Variants in HAS2 observed in about 807,000 individuals in gnomAD.
HAS2 encodes the protein hyaluronan synthase 2, also known as HA synthase 2.
A neutral mutation model predicts 51.6 loss-of-function variants in HAS2; 16 were observed. The ratio of observed to expected loss-of-function variants is 0.31; its 90% CI spans 0.21 to 0.47. The LOEUF is 0.47. HAS2 is among the 20% of genes least tolerant of loss of function. The probability of loss-of-function intolerance (pLI) is 1.00; values close to 1 mark genes in which losing one functional copy is unlikely to be tolerated. For synonymous variants in HAS2, 228 were observed against 235.5 expected, an observed-to-expected ratio of 0.97 and a Z score of 0.29; for missense variants, 361 against 662.6, an observed-to-expected ratio of 0.54 and a Z score of 5.00.
chr8:121,636,596 A>G (rs1813013171), intron 1 of HAS2, among the ~76,000 whole-genome samples: 1 of 152,074 alleles, frequency 6.6e-6, no homozygotes, highest in African/African-American at 2.4e-5. Flanking sequence ...TGCACCATCT[A>G]TATTAATAAA....
chr8:121,616,693 C>T (rs574801611), intron 3 of HAS2, among the ~76,000 whole-genome samples: 76 of 152,210 alleles, frequency 5.0e-4, no homozygotes, highest in Middle Eastern at 3.4e-3. Flanking sequence ...GCCTCGGCCT[C>T]CCAAAGTGCT....
At chr8:121,623,983 TG>T (rs1427265595) in intron 2 of HAS2, among the ~76,000 whole-genome samples, 10 of 152,260 alleles carry the variant, frequency 6.6e-5, no homozygotes, top group Admixed American at 6.5e-4. Flanking sequence ...TGGAAAATAC[TG>T]AAAATGTGCT....
intron 1 of HAS2, among the ~76,000 whole-genome samples, chr8:121,630,471 G>A (rs568082222): frequency 6.6e-6 from 1 of 152,112 alleles, no homozygotes; most frequent in African/African-American, 2.4e-5. Context: ...TTAAAGTGGT[G>A]GTTGGCAACC....
rs1158171072 is a variant in HAS2, at chr8:121,614,540, A to G, written c.1228T>C (p.Leu410=). 6.2e-7 allele frequency: 1 copy of G among 1,614,208 alleles called. No individual in the cohort carries two copies. The highest frequency in any genetic ancestry group is 8.5e-7 in the Non-Finnish European group (1 of 1,180,018). ...RGKIWNILLF[L]LTVQLVGLIK... ...AGACCTACTAGCTGGACAGTTAACAAGAAGAGGAGAATGTTCCAAATTTTA... is the reference window on the plus strand; with the variant it reads ...AGACCTACTAGCTGGACAGTTAACAGGAAGAGGAGAATGTTCCAAATTTTA... Residue 410 remains leucine, a synonymous_variant, in exon 4 of 4, where the codon TTG becomes CTG. Transcript: ENST00000303924. The surrounding 1 kb of genome is among the most constrained non-coding windows in gnomAD (Gnocchi z 7.2).
intron 1 of HAS2, among the ~76,000 whole-genome samples, chr8:121,638,680 A>G (rs1023556843): frequency 6.6e-6 from 1 of 152,244 alleles, no homozygotes; most frequent in Admixed American, 6.5e-5. Context: ...GTCATTGAAA[A>G]TGTAAAAGAA....
intron 2 of HAS2, among the ~76,000 whole-genome samples, 174 bp from the exon 3 acceptor site, chr8:121,617,380 C>G (rs1586502543): frequency 6.6e-6 from 1 of 152,064 alleles, no homozygotes; most frequent in Non-Finnish European, 1.5e-5. Flanking sequence ...ATACAAAGAG[C>G]CTATTTTTCA....
At chr8:121,631,513 C>T (rs1176171920) in intron 1 of HAS2, among the ~76,000 whole-genome samples, 1 of 152,140 alleles carries the variant, frequency 6.6e-6, no homozygotes, top group East Asian at 1.9e-4. Flanking sequence ...GCAAACACAA[C>T]AAAAAGAAAA....
At chr8:121,616,780 G>A (rs1812709787) in intron 3 of HAS2, among the ~76,000 whole-genome samples, 1 of 152,222 alleles carries the variant, frequency 6.6e-6, no homozygotes, top group Non-Finnish European at 1.5e-5. Context: ...ATTTTTAGCA[G>A]AACATGAAAT....
At chr8:121,617,377 G>C (rs887350456) in intron 2 of HAS2, among the ~76,000 whole-genome samples, 171 bp from the exon 3 acceptor site, 2 of 152,070 alleles carry the variant, frequency 1.3e-5, no homozygotes, top group South Asian at 2.1e-4. Context: ...CCAATACAAA[G>C]AGCCTATTTT....
At chr8:121,625,138 TACGTTTTCTG>T (rs954865940) in intron 2 of HAS2, among the ~76,000 whole-genome samples, 6 of 151,316 alleles carry the variant, frequency 4.0e-5, no homozygotes, top group African/African-American at 1.5e-4. Flanking sequence ...AAATATATTT[TACGTTTTCTG>T]ATAACACTAC....
intron 1 of HAS2, among the ~76,000 whole-genome samples, chr8:121,630,373 C>A (rs1812913939): frequency 1.3e-5 from 2 of 152,132 alleles, no homozygotes; most frequent in South Asian, 4.1e-4. Context: ...AAGTTTTAAA[C>A]AACTCAAGGA....
intron 1 of HAS2, among the ~76,000 whole-genome samples, chr8:121,633,991 A>T (rs1586509957): frequency 6.6e-6 from 1 of 150,640 alleles, no homozygotes; most frequent in South Asian, 2.1e-4. Context: ...GCTCACTGCA[A>T]CCTCCGCCTC....
chr8:121,615,498 T>C (rs1812687696), intron 3 of HAS2, among the ~76,000 whole-genome samples: 1 of 152,160 alleles, frequency 6.6e-6, no homozygotes, highest in Admixed American at 6.5e-5. Flanking sequence ...CTAATTTTTG[T>C]ATTTTTAGTA....
intron 2 of HAS2, among the ~76,000 whole-genome samples, chr8:121,627,441 C>T (rs1160709927): frequency 2.0e-5 from 3 of 152,118 alleles, no homozygotes; most frequent in Non-Finnish European, 4.4e-5. Flanking sequence ...TGTCTCTAAA[C>T]TCTTCAGACA....
At chr8:121,633,203 T>G (rs1277018245) in intron 1 of HAS2, among the ~76,000 whole-genome samples, 1 of 146,360 alleles carries the variant, frequency 6.8e-6, no homozygotes, top group African/African-American at 2.6e-5. Context: ...TGGAGTGCAG[T>G]GGTGCAGTCT....
At chr8:121,640,124 C>G (rs1813073074) in intron 1 of HAS2, 1 of 152,322 alleles carries the variant, frequency 6.6e-6, no homozygotes. Context: ...TCCTCCCGCT[C>G]CTATCTGCGG....
intron 1 of HAS2, among the ~76,000 whole-genome samples, chr8:121,640,420 A>AGTGTGTGTGTGT (rs10578731): frequency 0.016 from 2,420 of 148,398 alleles, 34 homozygotes; most frequent in African/African-American, 0.034. Flanking sequence ...TTCTCCCCAC[A>AGTGTGTGTGTGT]GTGTGTGTGT....
chr8:121,638,551 T>C (rs1465322529), intron 1 of HAS2, among the ~76,000 whole-genome samples: 1 of 152,262 alleles, frequency 6.6e-6, no homozygotes, highest in Non-Finnish European at 1.5e-5. Flanking sequence ...GATGATACTT[T>C]AGTTACAATA....
chr8:121,636,566 G>A (rs1813012450), intron 1 of HAS2, among the ~76,000 whole-genome samples: 1 of 152,092 alleles, frequency 6.6e-6, no homozygotes, highest in Non-Finnish European at 1.5e-5. Context: ...AGAACTGTAG[G>A]TTTCAGATTT....
Sources: gnomAD v4.1 joint callset for allele counts (sites outside exome capture counted in the v4.1 genomes callset) on GRCh38, gnomAD v4.1.1 for gene constraint, Gnocchi (gnomAD v3.1) non-coding constraint, MANE v1.5 for transcripts, NCBI Gene and HGNC (gene_info 2026-07-23, HGNC 2026-07-21) for gene names.